Variants in RYR1 observed in about 807,000 individuals in gnomAD.
The protein encoded by RYR1 is central core disease of muscle.
In RYR1, 342 loss-of-function variants were observed where a neutral mutation model predicts 583.5. That is an observed-to-expected ratio of 0.59 (90% CI 0.54 to 0.64). RYR1 has a LOEUF of 0.64. Among genes scored for constraint, RYR1 ranks in the 30% least tolerant of loss-of-function variants. RYR1 has a pLI of 0.00. For synonymous variants in RYR1, 2,791 were observed against 2,822.5 expected, an observed-to-expected ratio of 0.99 and a Z score of 0.35; for missense variants, 6,032 against 6,917.2, an observed-to-expected ratio of 0.87 and a Z score of 4.54.
chr19:38,542,830 ATTAT>A (rs924164669), intron 84 of RYR1, among the ~76,000 whole-genome samples: 121 of 148,278 alleles, frequency 8.2e-4, no homozygotes, highest in African/African-American at 2.7e-3. Context: ...CTATTTTAAA[ATTAT>A]TTATTTATTT....
chr19:38,532,849 C>G lies in RYR1; in HGVS notation c.11259+113C>G, dbSNP rs1005429486. On this transcript the variant is annotated intron_variant, in intron 78 of 105. Transcript: ENST00000359596. ...CAAAGCTCTGGGGACACAGCAGTGA[C>G]CAAGTCAGTCCACTGGGGAGACAGA... is the stretch of plus-strand genomic sequence containing the variant. 66 of 1,034,554 alleles carry G rather than the reference C, an allele frequency of 6.4e-5. 1 individual carries two copies. Among genetic ancestry groups the G allele is most frequent in the Non-Finnish European group, 9.4e-5 (64 of 678,542 alleles). 64.1% of individuals were successfully genotyped at this position (1,034,554 alleles called of 1,614,324 possible).
intron 11 of RYR1, 47 bp from the exon 12 acceptor site, chr19:38,451,717 C>T: frequency 1.2e-6 from 2 of 1,612,330 alleles, no homozygotes; most frequent in Non-Finnish European, 1.7e-6. Flanking sequence ...GGGGGCATGG[C>T]CCTGGGTGGC....
At chr19:38,470,841 C>T (rs983204946) in intron 27 of RYR1, among the ~76,000 whole-genome samples, 42 of 152,192 alleles carry the variant, frequency 2.8e-4, no homozygotes, top group African/African-American at 9.2e-4. Context: ...TCCCTATTGG[C>T]AGTGGATTGT....
chr19:38,514,271 A>AT (rs1190964506), intron 63 of RYR1, among the ~76,000 whole-genome samples: 1 of 145,176 alleles, frequency 6.9e-6, no homozygotes, highest in Admixed American at 7.2e-5. Flanking sequence ...CTCTAAAAAA[A>AT]TTTTTTTTTA....
intron 99 of RYR1, among the ~76,000 whole-genome samples, chr19:38,579,299 C>A (rs900233994): frequency 1.3e-5 from 2 of 151,942 alleles, no homozygotes. Flanking sequence ...GTGACCCACG[C>A]CTGTGGTCCC....
intron 89 of RYR1, among the ~76,000 whole-genome samples, chr19:38,554,738 G>T (rs1401262589): frequency 6.6e-6 from 1 of 152,022 alleles, no homozygotes. Context: ...CTCCCAAAGC[G>T]CTGGGATTAC....
At chr19:38,473,262 T>C (rs931874309) in intron 27 of RYR1, 115 bp from the exon 28 acceptor site, 21 of 1,321,942 alleles carry the variant, frequency 1.6e-5, no homozygotes, top group Non-Finnish European at 2.1e-5. Flanking sequence ...CCTTGACTAA[T>C]TCCCATGCAG....
Position 38,444,752 on chromosome 19 carries a change from C to T in RYR1, c.631+75C>T. On this transcript the variant is annotated intron_variant, in intron 7 of 105. Coordinates refer to ENST00000359596, the MANE Select transcript of RYR1 (RefSeq NM_000540.3). The surrounding 1 kb of genome is among the most constrained non-coding windows in gnomAD (Gnocchi z 5.1). ...CTTAATGTTGCCCTTCAGGCATACCCAAATGGAGCCTTGGAACCTCAGACC... is the reference window on the plus strand; with the variant it reads ...CTTAATGTTGCCCTTCAGGCATACCTAAATGGAGCCTTGGAACCTCAGACC... 1 of 1,141,092 alleles carries T rather than the reference C, an allele frequency of 8.8e-7. No individual in the cohort carries two copies. Among genetic ancestry groups the T allele is most frequent in the Non-Finnish European group, 1.3e-6 (1 of 769,380 alleles). The allele number at this position is 1,141,092 out of a possible 1,614,324, so 70.7% of individuals were successfully genotyped here.
chr19:38,496,794 G>A lies in RYR1; in HGVS notation c.6797-66G>A. 1 of 1,490,396 alleles carries A rather than the reference G, an allele frequency of 6.7e-7. No homozygotes were observed. Among genetic ancestry groups the A allele is most frequent in the Non-Finnish European group, 9.4e-7 (1 of 1,068,946 alleles). 92.3% of individuals were successfully genotyped at this position (1,490,396 alleles called of 1,614,324 possible). A position where few individuals can be genotyped will look rare whatever the true frequency, so the allele number is the denominator to read the frequency against. ...CCAGGCTGGAAAAAGGGTGGTCAGGGAGGGCTTCCCAGAGGAGGCGAGACA... is the reference window on the plus strand; with the variant it reads ...CCAGGCTGGAAAAAGGGTGGTCAGGAAGGGCTTCCCAGAGGAGGCGAGACA... On this transcript the variant is annotated intron_variant, in intron 41 of 105. Transcript: ENST00000359596. This position sits in a 1 kb window ranked among gnomAD's most constrained non-coding sequence, Gnocchi z 4.8.
rs1969842725 is a variant in RYR1 at position 38,496,624 on chromosome 19, C to T, written c.6796+83C>T. The T allele has an allele frequency of 6.5e-7, 1 of 1,542,222 alleles. No homozygotes were observed. The highest frequency in any genetic ancestry group is 1.7e-5 in the Admixed American group (1 of 59,484). ...AGGCCTGCCCCACTTTCCACCAGCT[C>T]ACTCATTCAACAAACACTCCCTCTC... is the stretch of plus-strand genomic sequence containing the variant. On this transcript the variant is annotated intron_variant, in intron 41 of 105. Coordinates refer to ENST00000359596, the MANE Select transcript of RYR1 (RefSeq NM_000540.3). The surrounding 1 kb of genome is among the most constrained non-coding windows in gnomAD (Gnocchi z 4.8).
chr19:38,477,874 C>A lies in RYR1; in HGVS notation c.4454+4C>A. ...AACAAGGCAACGTCCACAGCAGGTG[C>A]CGGGGCTGGGGGGAGGTGGGAGGTG... On this transcript the variant is annotated splice_donor_region_variant and intron_variant, in intron 30 of 105. Transcript: ENST00000359596. 6.4e-7 allele frequency: 1 copy of A among 1,554,174 alleles called. No individual in the cohort carries two copies. The highest frequency in any genetic ancestry group is 8.8e-7 in the Non-Finnish European group (1 of 1,141,972).
chr19:38,495,186 CTG>C (rs1174473797), intron 39 of RYR1, among the ~76,000 whole-genome samples: 2 of 152,248 alleles, frequency 1.3e-5, no homozygotes, highest in East Asian at 3.9e-4. Flanking sequence ...GTTTCCTCAT[CTG>C]TAAAACCGGG....
At chr19:38,505,988 G>A (rs1252889746) in intron 54 of RYR1, 42 bp downstream of exon 54, 3 of 1,599,780 alleles carry the variant, frequency 1.9e-6, no homozygotes, top group South Asian at 1.1e-5. Flanking sequence ...CACGATGGGG[G>A]GAGGGTCTAG....
In RYR1 at chr19:38,444,296, G is replaced by T; in HGVS notation, c.537+35G>T. 6.6e-7 allele frequency: 1 copy of T among 1,506,148 alleles called. No homozygotes were observed. Among genetic ancestry groups the T allele is most frequent in the Non-Finnish European group, 9.2e-7 (1 of 1,086,012 alleles). The allele number at this position is 1,506,148 out of a possible 1,614,324, so 93.3% of individuals were successfully genotyped here. On this transcript the variant is annotated intron_variant, in intron 6 of 105. Transcript: ENST00000359596. This position sits in a 1 kb window ranked among gnomAD's most constrained non-coding sequence, Gnocchi z 5.1. ...TGCGGTTCCTCCTGCTCCCAGGTCT[G>T]GGGGCGCATGGGATGGTCCCCATCT...
At chr19:38,467,559 G>T (rs775094436) in intron 24 of RYR1, 51 bp from the exon 25 acceptor site, 2 of 1,592,848 alleles carry the variant, frequency 1.3e-6, no homozygotes, top group East Asian at 4.5e-5. Flanking sequence ...TCGATGTCTT[G>T]GGATCCACAT....
At chr19:38,453,149 GAGA>G (rs1967177854) in intron 13 of RYR1, 135 bp downstream of exon 13, 1 of 871,130 alleles carries the variant, frequency 1.1e-6, no homozygotes, top group Non-Finnish European at 1.7e-6. Context: ...GGCGGGGCAG[GAGA>G]AGGAGCCGGA....
chr19:38,565,270 CCTGCGGCGGCGCGTGCGGCGG>C lies in RYR1; in HGVS notation c.12947_12967del (p.Arg4316_Arg4322del). ...CCCTGCGAGGCCTCAGCTACCGCAG[CCTGCGGCGGCGCGTGCGGCGG>C]CTGCGGCGGCTTACGGCCCGCGAGG... On this transcript the variant is annotated inframe_deletion, in exon 91 of 106. Coordinates refer to ENST00000359596, the MANE Select transcript of RYR1 (RefSeq NM_000540.3). The surrounding 1 kb of genome is among the most constrained non-coding windows in gnomAD (Gnocchi z 4.7). 3.0e-6 allele frequency: 3 copies of C among 995,184 alleles called. No homozygotes were observed. The highest frequency in any genetic ancestry group is 2.4e-6 in the Non-Finnish European group (2 of 838,076). The allele number at this position is 995,184 out of a possible 1,614,324, so 61.6% of individuals were successfully genotyped here.
In RYR1 at chr19:38,473,414, G is replaced by A; in HGVS notation, c.3803G>A (p.Cys1268Tyr). ...GACGGCACTGTGGACACGCCCCCCT[G>A]CCTGCGCCTGACCCACCGCACCTGG... Reference protein sequence around the residue: ...RVDGTVDTPPCLRLTHRTWGS... With the variant: ...RVDGTVDTPPYLRLTHRTWGS... Residue 1268 changes from cysteine (C) to tyrosine (Y), a missense_variant, in exon 28 of 106, where the codon TGC becomes TAC. Around this residue, in one of 11 missense-constraint regions of RYR1, gnomAD observed 2,627 missense variants for 2,961.3 expected, o/e 0.89. Coordinates refer to ENST00000359596, the MANE Select transcript of RYR1 (RefSeq NM_000540.3). The A allele has an allele frequency of 6.2e-7, 1 of 1,613,858 alleles. No individual in the cohort carries two copies. Among genetic ancestry groups the A allele is most frequent in the Non-Finnish European group, 8.5e-7 (1 of 1,179,958 alleles).
chr19:38,496,396 C>G lies in RYR1; in HGVS notation c.6664-13C>G, dbSNP rs2145586046. The G allele has an allele frequency of 6.2e-7, 1 of 1,613,862 alleles. No individual in the cohort carries two copies. The highest frequency in any genetic ancestry group is 1.7e-5 in the Admixed American group (1 of 60,036). On this transcript the variant is annotated splice_polypyrimidine_tract_variant and intron_variant, in intron 40 of 105. Coordinates refer to ENST00000359596, the MANE Select transcript of RYR1 (RefSeq NM_000540.3). The surrounding 1 kb of genome is among the most constrained non-coding windows in gnomAD (Gnocchi z 4.8). Reference sequence around the variant, plus strand: ...CCACAGAGGGCAGGCCCTGACCACCCTGCCTGTCCCAGGAGATCCGCTTCC... The same window carrying G: ...CCACAGAGGGCAGGCCCTGACCACCGTGCCTGTCCCAGGAGATCCGCTTCC...
Sources: gnomAD v4.1 joint callset for allele counts (sites outside exome capture counted in the v4.1 genomes callset) on GRCh38, gnomAD v4.1.1 for gene constraint, gnomAD v4.1.1 regional missense constraint, Gnocchi (gnomAD v3.1) non-coding constraint, MANE v1.5 for transcripts, NCBI Gene and HGNC (gene_info 2026-07-23, HGNC 2026-07-21) for gene names.